Variants in ABCA13 observed in about 807,000 individuals in gnomAD.
ABCA13 encodes the protein ATP binding cassette subfamily A member 13, also known as ATP-binding cassette sub-family A member 13.
Under a neutral mutation model 478.7 loss-of-function variants are expected in ABCA13, and 476 were observed. That is an observed-to-expected ratio of 0.99 (90% CI 0.92 to 1.07). The LOEUF (loss-of-function observed/expected upper bound fraction) is 1.07, where lower values mean the gene tolerates loss of function less well. ABCA13 is among the 50% of genes least tolerant of loss of function. The pLI, the probability that ABCA13 is intolerant of heterozygous loss-of-function variation, is 0.00. For missense variants in ABCA13, 6,060 were observed against 5,910.6 expected (o/e 1.03, Z -0.83); for synonymous variants, 2,252 against 2,158.9 (o/e 1.04, Z -1.20).
At chr7:48,376,185 G>A (rs1813452919) in intron 34 of ABCA13, among the ~76,000 whole-genome samples, 1 of 152,056 alleles carries the variant, frequency 6.6e-6, no homozygotes, top group Admixed American at 6.6e-5. Flanking sequence ...ATATGAGTAA[G>A]GTGACCTTTA....
intron 39 of ABCA13, among the ~76,000 whole-genome samples, chr7:48,410,009 G>T (rs1255070926): frequency 6.7e-6 from 1 of 149,044 alleles, no homozygotes; most frequent in Non-Finnish European, 1.5e-5. Flanking sequence ...TGGGAGAATC[G>T]CTTGAACCCG....
At chr7:48,314,511 TATACTGGC>T (rs972691582) in intron 26 of ABCA13, 102 bp downstream of exon 26, 27 of 1,088,992 alleles carry the variant, frequency 2.5e-5, no homozygotes, top group African/African-American at 3.2e-5. Context: ...AAGGTTGCTA[TATACTGGC>T]ATAGAATCTT....
At chr7:48,372,527 A>AC (rs746368850) in intron 33 of ABCA13, 30 bp downstream of exon 33, 203 of 1,503,738 alleles carry the variant, frequency 1.3e-4, no homozygotes, top group South Asian at 2.2e-4. Flanking sequence ...AAAAAAAAAA[A>AC]AAAAAACAAC....
chr7:48,576,742 A>G lies in ABCA13; in HGVS notation c.14355-3482A>G, dbSNP rs116349549. Among the ~76,000 whole-genome samples the G allele has an allele frequency of 2.9e-3, 448 of 152,294 alleles. 2 individuals are homozygous for G. Among genetic ancestry groups the G allele is most frequent in the African/African-American group, 0.01 (435 of 41,564 alleles). ...GCAAACCCAAAGACAACTGGGTATA[A>G]ACAGAAGGACACTAGAACTAACACC... On this transcript the variant is annotated intron_variant, in intron 55 of 61. Coordinates refer to ENST00000435803, the MANE Select transcript of ABCA13 (RefSeq NM_152701.5).
intron 44 of ABCA13, among the ~76,000 whole-genome samples, chr7:48,470,691 T>G (rs910919264): frequency 5.9e-5 from 9 of 152,208 alleles, no homozygotes; most frequent in African/African-American, 2.2e-4. Context: ...GGCAAGGCTT[T>G]CTTCAATTGG....
chr7:48,204,606 C>A (rs991105032), intron 3 of ABCA13, among the ~76,000 whole-genome samples: 1 of 152,104 alleles, frequency 6.6e-6, no homozygotes, highest in Admixed American at 6.5e-5. Flanking sequence ...CGTCCCATTC[C>A]GATGCTTTGG....
intron 16 of ABCA13, among the ~76,000 whole-genome samples, chr7:48,271,414 C>G (rs1795590745): frequency 6.6e-6 from 1 of 152,188 alleles, no homozygotes; most frequent in Non-Finnish European, 1.5e-5. Flanking sequence ...TTCTAATGCA[C>G]TCCACTATCT....
At chr7:48,479,756 T>C (rs924744646) in intron 45 of ABCA13, among the ~76,000 whole-genome samples, 2 of 152,202 alleles carry the variant, frequency 1.3e-5, no homozygotes, top group African/African-American at 4.8e-5. Flanking sequence ...TGTACAACAA[T>C]TATTATTCTT....
At chr7:48,547,759 T>C (rs1784950801) in intron 55 of ABCA13, among the ~76,000 whole-genome samples, 1 of 151,988 alleles carries the variant, frequency 6.6e-6, no homozygotes, top group African/African-American at 2.4e-5. Context: ...TTCAGGACTT[T>C]ATTATGAAAT....
intron 29 of ABCA13, among the ~76,000 whole-genome samples, chr7:48,344,154 G>T (rs567636367): frequency 6.6e-6 from 1 of 152,152 alleles, no homozygotes; most frequent in African/African-American, 2.4e-5. Flanking sequence ...GGATGATTTT[G>T]TCCTCTAAGG....
chr7:48,281,378 T>C lies in ABCA13; in HGVS notation c.8762T>C (p.Val2921Ala). 6.2e-7 allele frequency: 1 copy of C among 1,609,362 alleles called. No individual in the cohort carries two copies. The highest frequency in any genetic ancestry group is 8.5e-7 in the Non-Finnish European group (1 of 1,177,854). Residue 2921 changes from valine to alanine, a missense_variant, in exon 19 of 62, where the codon GTG becomes GCG. Coordinates refer to ENST00000435803, the MANE Select transcript of ABCA13 (RefSeq NM_152701.5). ...VEICEVFQQT[V>A]KPSEAMEMLQ... ...ATTTGTGAAGTTTTCCAGCAGACTG[T>C]GAAGCCCTCAGAAGCCATGGAGATG... is the stretch of plus-strand genomic sequence containing the variant.
chr7:48,377,597 G>T (rs1324431126), intron 35 of ABCA13, among the ~76,000 whole-genome samples: 1 of 152,118 alleles, frequency 6.6e-6, no homozygotes, highest in African/African-American at 2.4e-5. Flanking sequence ...CCACTGAAAA[G>T]ATCATTTTAC....
At chr7:48,367,181 G>A (rs571907267) in intron 31 of ABCA13, among the ~76,000 whole-genome samples, 24 of 152,218 alleles carry the variant, frequency 1.6e-4, no homozygotes, top group African/African-American at 5.8e-4. Flanking sequence ...TAAGAGAAAA[G>A]AGAGGAGGAG....
intron 35 of ABCA13, among the ~76,000 whole-genome samples, chr7:48,385,868 G>A (rs900468970): frequency 6.6e-6 from 1 of 152,048 alleles, no homozygotes; most frequent in Non-Finnish European, 1.5e-5. Flanking sequence ...GGTGTGAGAT[G>A]GTATCTCATT....
intron 59 of ABCA13, among the ~76,000 whole-genome samples, chr7:48,625,931 T>A (rs1793623244): frequency 6.6e-6 from 1 of 152,180 alleles, no homozygotes; most frequent in Admixed American, 6.5e-5. Context: ...ATTTATTGAG[T>A]AACCACTTAA....
At chr7:48,621,894 C>A (rs1793172573) in intron 59 of ABCA13, among the ~76,000 whole-genome samples, 1 of 152,170 alleles carries the variant, frequency 6.6e-6, no homozygotes, top group Non-Finnish European at 1.5e-5. Flanking sequence ...CAGCCAACAC[C>A]AACTGCCCCA....
chr7:48,343,263 C>T (rs1475549928), intron 29 of ABCA13, among the ~76,000 whole-genome samples: 1 of 152,158 alleles, frequency 6.6e-6, no homozygotes, highest in Non-Finnish European at 1.5e-5. Flanking sequence ...TGGCAGAGAG[C>T]TAGGGCAGGG....
intron 42 of ABCA13, among the ~76,000 whole-genome samples, chr7:48,433,447 T>C (rs35479705): frequency 6.7e-6 from 1 of 148,296 alleles, no homozygotes; most frequent in African/African-American, 2.5e-5. Context: ...ATGATAAATA[T>C]ATAATATAAG....
intron 8 of ABCA13, among the ~76,000 whole-genome samples, chr7:48,236,959 A>G (rs535878515): frequency 4.2e-4 from 64 of 151,608 alleles, no homozygotes; most frequent in African/African-American, 1.5e-3. Context: ...TAGCCAAGGG[A>G]AAAAACTGGA....
Sources: allele counts gnomAD v4.1 joint callset (sites outside exome capture counted in the v4.1 genomes callset), GRCh38; gene constraint gnomAD v4.1.1; transcripts MANE v1.5; gene names NCBI Gene and HGNC (gene_info 2026-07-23, HGNC 2026-07-21).